CRPPA: variants seen among roughly 807,000 people sequenced by gnomAD.
The protein encoded by CRPPA is CDP-L-ribitol pyrophosphorylase A.
Under a neutral mutation model 52.0 loss-of-function variants are expected in CRPPA, and 43 were observed. That is an observed-to-expected ratio of 0.83 (90% CI 0.65 to 1.07). The LOEUF is 1.07. Ranked by LOEUF, CRPPA falls within the 50% of genes least tolerant of loss-of-function variation. The probability of loss-of-function intolerance (pLI) is 0.00; values close to 1 mark genes in which losing one functional copy is unlikely to be tolerated. For synonymous variants in CRPPA, 250 were observed against 203.5 expected, an observed-to-expected ratio of 1.23 and a Z score of -1.94; for missense variants, 629 against 551.7, an observed-to-expected ratio of 1.14 and a Z score of -1.40.
intron 1 of CRPPA, among the ~76,000 whole-genome samples, chr7:16,410,537 G>A (rs1206514850): frequency 6.6e-6 from 1 of 152,100 alleles, no homozygotes; most frequent in Non-Finnish European, 1.5e-5. Flanking sequence ...TAGCCCCTCA[G>A]CTGTTTCCTC....
Position 16,205,869 on chromosome 7 carries a change from G to GA in CRPPA, c.1251+10196dup, listed in dbSNP as rs1172757666. On this transcript the variant is annotated intron_variant, in intron 9 of 9. Coordinates refer to ENST00000407010, the MANE Select transcript of CRPPA (RefSeq NM_001101426.4). The stretch of plus-strand genomic sequence containing the variant: ...TCAAAACATCTTAAATACGAAGCCA[G>GA]AAATTTAATAAAGGGATAAGAGAAT... Among the ~76,000 whole-genome samples the GA allele has an allele frequency of 4.0e-5, 6 of 151,766 alleles. No individual in the cohort carries two copies. In the East Asian group the frequency reaches 1.2e-3, roughly 30 times the overall value.
chr7:16,376,099 T>C lies in CRPPA; in HGVS notation c.677A>G (p.Tyr226Cys), dbSNP rs1289931198. The C allele has an allele frequency of 3.8e-6, 6 of 1,587,048 alleles. No individual in the cohort carries two copies. Among genetic ancestry groups the C allele is most frequent in the African/African-American group, 1.3e-5 (1 of 74,238 alleles). The change falls in exon 3 of 10, where the codon TAT (tyrosine) becomes TGT (cysteine). Residue 226 changes from tyrosine to cysteine, a missense_variant. Coordinates refer to ENST00000407010, the MANE Select transcript of CRPPA (RefSeq NM_001101426.4). ...AAAAGCCCAAATTCTTACCTGCTGA[T>C]ATGCTTCATAAATCACATCAAATAG... ...AFLFDVIYEA[Y>C]QQCSDYDLEF...
intron 6 of CRPPA, among the ~76,000 whole-genome samples, chr7:16,274,019 A>G (rs1459856829): frequency 1.3e-5 from 2 of 152,032 alleles, no homozygotes; most frequent in Non-Finnish European, 2.9e-5. Context: ...ACACTCCATA[A>G]TCAGTGTTGT....
intron 3 of CRPPA, among the ~76,000 whole-genome samples, chr7:16,343,614 CATCACAGTTGCATTAGATGGTG>C (rs75300975): frequency 0.36 from 54,683 of 151,696 alleles, 10,054 homozygotes; most frequent in Admixed American, 0.44. Flanking sequence ...AATTGTTTAA[CATCACAGTTGCATTAGATGGTG>C]ATCACAGTTG....
chr7:16,147,047 A>G (rs1425129685), intron 9 of CRPPA, among the ~76,000 whole-genome samples: 4 of 152,168 alleles, frequency 2.6e-5, no homozygotes, highest in African/African-American at 9.7e-5. Flanking sequence ...TCAGGGTGAA[A>G]GTGAAAAGAT....
rs1781814641 is a variant in CRPPA at position 16,090,549 on chromosome 7, C to CTAAAAAAAA, written c.*1145_*1146insTTTTTTTTA. The CTAAAAAAAA allele has an allele frequency of 1.2e-5, 1 of 82,218 alleles. No individual in the cohort carries two copies. The highest frequency in any genetic ancestry group is 5.4e-5 in the African/African-American group (1 of 18,412). The allele number at this position is 82,218 out of a possible 1,614,324, so 5.1% of individuals were successfully genotyped here. A position where few individuals can be genotyped will look rare whatever the true frequency, so the allele number is the denominator to read the frequency against. On this transcript the variant is annotated 3_prime_UTR_variant, in exon 10 of 10. Coordinates refer to ENST00000407010, the MANE Select transcript of CRPPA (RefSeq NM_001101426.4). ...CGAAAACCCTTCTCTACTAAAAATA[C>CTAAAAAAAA]AAAAAAAAAAAAAAAAAAAAAAAAT...
Position 16,089,383 on chromosome 7 carries a change from T to TAC in CRPPA, c.*2311_*2312insGT, listed in dbSNP as rs1781774986. On this transcript the variant is annotated 3_prime_UTR_variant, in exon 10 of 10. Coordinates refer to ENST00000407010, the MANE Select transcript of CRPPA (RefSeq NM_001101426.4). ...ACATACATGCATGTACATATATACG[T>TAC]ATATATGTATGTACATAATGTGTAT... The TAC allele has an allele frequency of 2.6e-6, 1 of 385,046 alleles. No individual in the cohort carries two copies. The highest frequency in any genetic ancestry group is 2.1e-5 in the African/African-American group (1 of 48,464). 23.9% of individuals were successfully genotyped at this position (385,046 alleles called of 1,614,324 possible). A position where few individuals can be genotyped will look rare whatever the true frequency, so the allele number is the denominator to read the frequency against.
chr7:16,238,856 G>A (rs2128405464), intron 8 of CRPPA, among the ~76,000 whole-genome samples: 1 of 152,170 alleles, frequency 6.6e-6, no homozygotes, highest in Admixed American at 6.5e-5. Context: ...AGCCATTTAG[G>A]TCTGGGCACA....
At chr7:16,284,309 T>C (rs1245017157) in intron 5 of CRPPA, among the ~76,000 whole-genome samples, 6 of 151,994 alleles carry the variant, frequency 3.9e-5, no homozygotes, top group Admixed American at 1.3e-4. Context: ...AAAATAGACA[T>C]ATATAAGGGG....
At chr7:16,335,225 T>C (rs1161247075) in intron 3 of CRPPA, among the ~76,000 whole-genome samples, 1 of 147,796 alleles carries the variant, frequency 6.8e-6, no homozygotes, top group Non-Finnish European at 1.5e-5. Context: ...GTATGCACTA[T>C]GGTCCCAGCT....
In CRPPA at chr7:16,373,800, G is replaced by A. The variant is rs561504079; in HGVS notation, c.684+2292C>T. On this transcript the variant is annotated intron_variant, in intron 3 of 9. Coordinates refer to ENST00000407010, the MANE Select transcript of CRPPA (RefSeq NM_001101426.4). ...AGGGGGCAAATGAGATAAGCCAGAA[G>A]AAACAGGGAGAAGAAGCAATCCAGC... Among the ~76,000 whole-genome samples, 4 of 152,318 alleles carry A rather than the reference G, an allele frequency of 2.6e-5. No individual in the cohort carries two copies. In the South Asian group the frequency reaches 6.2e-4, roughly 24 times the overall value.
intron 9 of CRPPA, among the ~76,000 whole-genome samples, chr7:16,193,440 A>G (rs1781658354): frequency 6.6e-6 from 1 of 152,152 alleles, no homozygotes; most frequent in Admixed American, 6.6e-5. Flanking sequence ...CACTTGTGAA[A>G]TTAACATTTT....
At chr7:16,327,599 CAAAAAAAAAA>C (rs71007762) in intron 3 of CRPPA, among the ~76,000 whole-genome samples, 1 of 70,086 alleles carries the variant, frequency 1.4e-5, no homozygotes. Flanking sequence ...GACTCCGTCT[CAAAAAAAAAA>C]AAAAAAAAAA....
At chr7:16,389,924 A>ATATATATATATAT (rs1169753280) in intron 2 of CRPPA, among the ~76,000 whole-genome samples, 71 of 62,520 alleles carry the variant, frequency 1.1e-3, no homozygotes, top group East Asian at 1.7e-3. Flanking sequence ...AAAAAAAAAA[A>ATATATATATATAT]AAAAATATAT....
chr7:16,323,556 G>T (rs1370588035), intron 3 of CRPPA, among the ~76,000 whole-genome samples: 2 of 152,194 alleles, frequency 1.3e-5, no homozygotes, highest in African/African-American at 2.4e-5. Context: ...ATCCTGCCAA[G>T]TCCGTTTATT....
chr7:16,383,954 A>C (rs1787186406), intron 2 of CRPPA, among the ~76,000 whole-genome samples: 1 of 152,206 alleles, frequency 6.6e-6, no homozygotes, highest in South Asian at 2.1e-4. Context: ...TTCTCGAGTG[A>C]GGCAATGCCT....
intron 9 of CRPPA, among the ~76,000 whole-genome samples, chr7:16,158,079 T>A (rs1783224418): frequency 6.8e-6 from 1 of 148,082 alleles, no homozygotes; most frequent in Non-Finnish European, 1.5e-5. Context: ...AGAGACGGGG[T>A]TTCACCATGT....
intron 9 of CRPPA, among the ~76,000 whole-genome samples, chr7:16,136,297 G>A (rs1340035104): frequency 6.6e-6 from 1 of 151,646 alleles, no homozygotes; most frequent in African/African-American, 2.4e-5. Context: ...AAGATTTCTT[G>A]CATGCTTTTT....
chr7:16,186,160 T>G (rs1303208944), intron 9 of CRPPA, among the ~76,000 whole-genome samples: 1 of 152,202 alleles, frequency 6.6e-6, no homozygotes, highest in African/African-American at 2.4e-5. Context: ...TTACTTTCTT[T>G]GGAGGATATT....
Sources: allele counts gnomAD v4.1 joint callset (sites outside exome capture counted in the v4.1 genomes callset), GRCh38; gene constraint gnomAD v4.1.1; transcripts MANE v1.5; gene names NCBI Gene and HGNC (gene_info 2026-07-23, HGNC 2026-07-21).